The following FGF14 variants were observed in gnomAD, a reference collection of about 807,000 sequenced individuals.
FGF14 encodes the protein fibroblast growth factor homologous factor 4.
A neutral mutation model predicts 25.5 loss-of-function variants in FGF14; 5 were observed. The observed-to-expected ratio is 0.20, with a 90% CI of 0.10 to 0.41. The LOEUF (loss-of-function observed/expected upper bound fraction) is 0.41, where lower values mean the gene tolerates loss of function less well. FGF14 is among the 10% of genes least tolerant of loss of function. The probability of loss-of-function intolerance (pLI) is 1.00; values close to 1 mark genes in which losing one functional copy is unlikely to be tolerated. For missense variants in FGF14, 222 were observed against 320.1 expected (o/e 0.69, Z 2.34); for synonymous variants, 138 against 118.3 (o/e 1.17, Z -1.08).
intron 1 of FGF14, among the ~76,000 whole-genome samples, chr13:101,913,816 C>T (rs1207673021): frequency 6.6e-6 from 1 of 152,086 alleles, no homozygotes; most frequent in Non-Finnish European, 1.5e-5. Context: ...ACCCCTCTCT[C>T]CTCCATAATT....
chr13:102,034,334 C>T (rs1211141693), intron 1 of FGF14, among the ~76,000 whole-genome samples: 3 of 152,102 alleles, frequency 2.0e-5, no homozygotes, highest in African/African-American at 7.2e-5. Flanking sequence ...AATGAGAAGG[C>T]TCTTAAGAGT....
chr13:102,212,165 C>T (rs1244628090), intron 1 of FGF14, among the ~76,000 whole-genome samples: 5 of 152,214 alleles, frequency 3.3e-5, no homozygotes, highest in Non-Finnish European at 4.4e-5. Flanking sequence ...TTATTCCATA[C>T]TAGTTCCCAC....
chr13:102,400,814 C>A lies in FGF14; in HGVS notation c.208+657G>T, dbSNP rs1332803707. ...AATTACAAATATTAGAGGGGCTGGG[C>A]TTGTCCTCTCAGTCTGGGGTTCCCT... On this transcript the variant is annotated intron_variant, in intron 1 of 4. Coordinates refer to the FGF14 transcript ENST00000376131. This position sits in a 1 kb window ranked among gnomAD's most constrained non-coding sequence, Gnocchi z 4.3. Among the ~76,000 whole-genome samples the A allele has an allele frequency of 6.6e-6, 1 of 152,042 alleles. No individual in the cohort carries two copies. Among genetic ancestry groups the A allele is most frequent in the Non-Finnish European group, 1.5e-5 (1 of 68,002 alleles).
intron 1 of FGF14, among the ~76,000 whole-genome samples, chr13:102,056,138 C>T (rs2042419409): frequency 6.6e-6 from 1 of 152,182 alleles, no homozygotes; most frequent in Non-Finnish European, 1.5e-5. Context: ...CACAGCTATG[C>T]TCATTCATTT....
chr13:101,803,075 G>T (rs2040980905), intron 3 of FGF14, among the ~76,000 whole-genome samples: 1 of 151,738 alleles, frequency 6.6e-6, no homozygotes, highest in Admixed American at 6.6e-5. Flanking sequence ...AAGGGGGTCA[G>T]CTGGCGTGAA....
chr13:102,324,571 A>C (rs2056360122), intron 1 of FGF14, among the ~76,000 whole-genome samples: 1 of 152,184 alleles, frequency 6.6e-6, no homozygotes, highest in Admixed American at 6.5e-5. Context: ...CAGCTCATGC[A>C]TCAAAGTCTT....
At chr13:102,214,882 T>C (rs1212580625) in intron 1 of FGF14, among the ~76,000 whole-genome samples, 1 of 152,172 alleles carries the variant, frequency 6.6e-6, no homozygotes, top group Non-Finnish European at 1.5e-5. Context: ...TGAGAAATCT[T>C]GTTCTAGACG....
chr13:101,759,180 T>A (rs1048776004), intron 3 of FGF14, among the ~76,000 whole-genome samples: 2 of 152,126 alleles, frequency 1.3e-5, no homozygotes, highest in African/African-American at 4.8e-5. Flanking sequence ...TAAGAGCCTA[T>A]CCCTAACTTT....
rs1449470581 is a variant in FGF14, at chr13:101,767,795, A to T, written c.409-40985T>A. The stretch of plus-strand genomic sequence containing the variant: ...CTGTTGGGACAAAGCTCTCTAAAAT[A>T]AGCAACTACACAGAAGGAAAAAAAT... On this transcript the variant is annotated intron_variant, in intron 3 of 4. Coordinates refer to ENST00000376143, the MANE Select transcript of FGF14 (RefSeq NM_004115.4). Among the ~76,000 whole-genome samples, 3 of 152,184 alleles carry T rather than the reference A, an allele frequency of 2.0e-5. No individual in the cohort carries two copies. In the East Asian group the frequency reaches 5.8e-4, roughly 29 times the overall value.
chr13:102,286,868 A>G (rs2054124431), intron 1 of FGF14, among the ~76,000 whole-genome samples: 1 of 151,324 alleles, frequency 6.6e-6, no homozygotes, highest in South Asian at 2.1e-4. Flanking sequence ...GAAGGCAAAC[A>G]TTTTCCTTAT....
intron 1 of FGF14, among the ~76,000 whole-genome samples, chr13:102,118,294 CTTG>C (rs2045564851): frequency 6.6e-6 from 1 of 151,808 alleles, no homozygotes; most frequent in Admixed American, 6.6e-5. Flanking sequence ...AGGAACCAAG[CTTG>C]TTAATGTTAA....
chr13:102,183,271 T>C (rs1201673667), intron 1 of FGF14, among the ~76,000 whole-genome samples: 1 of 152,190 alleles, frequency 6.6e-6, no homozygotes, highest in Admixed American at 6.5e-5. Context: ...TTCTATTATA[T>C]TTTCAGTAAA....
chr13:102,320,422 A>G (rs920656029), intron 1 of FGF14, among the ~76,000 whole-genome samples: 1 of 152,172 alleles, frequency 6.6e-6, no homozygotes, highest in South Asian at 2.1e-4. Context: ...GCATGCATTC[A>G]GTTGGTGCTG....
At chr13:102,214,631 A>T (rs547291168) in intron 1 of FGF14, among the ~76,000 whole-genome samples, 4 of 152,204 alleles carry the variant, frequency 2.6e-5, no homozygotes, top group Non-Finnish European at 5.9e-5. Context: ...AACCATCTGG[A>T]ATGATCTCCT....
intron 1 of FGF14, among the ~76,000 whole-genome samples, chr13:101,877,696 C>T (rs1018085289): frequency 6.6e-6 from 1 of 152,124 alleles, no homozygotes; most frequent in African/African-American, 2.4e-5. Context: ...GTGTCTAAAC[C>T]CAAATCCTGC....
At chr13:102,240,447 T>C (rs1251067741) in intron 1 of FGF14, among the ~76,000 whole-genome samples, 4 of 152,160 alleles carry the variant, frequency 2.6e-5, no homozygotes, top group South Asian at 4.1e-4. Flanking sequence ...AAAATAAACA[T>C]TTCCCGGCAA....
rs1051987970 is a variant in FGF14 at position 101,860,274 on chromosome 13, T to C, written c.408+8451A>G. Among the ~76,000 whole-genome samples, 3 of 152,080 alleles carry C rather than the reference T, an allele frequency of 2.0e-5. 1 individual carries two copies. The highest frequency in any genetic ancestry group is 1.5e-5 in the Non-Finnish European group (1 of 68,000). On this transcript the variant is annotated intron_variant, in intron 3 of 4. Coordinates refer to ENST00000376143, the MANE Select transcript of FGF14 (RefSeq NM_004115.4). The stretch of plus-strand genomic sequence containing the variant: ...TACCATCTTGGTGCTCGAGGAGACA[T>C]TTCTTGTCCTTTTCTTCCCACAGAC...
intron 1 of FGF14, among the ~76,000 whole-genome samples, chr13:102,288,596 T>C (rs1380327468): frequency 1.3e-5 from 2 of 152,046 alleles, no homozygotes; most frequent in African/African-American, 4.8e-5. Flanking sequence ...TTTTTATTTT[T>C]ATTTTTGAGA....
chr13:102,352,670 G>C (rs1307695499), intron 1 of FGF14, among the ~76,000 whole-genome samples: 2 of 152,054 alleles, frequency 1.3e-5, no homozygotes, highest in Admixed American at 1.3e-4. Context: ...AAATTAGCCG[G>C]GGGCGGTGGT....
Sources: allele counts gnomAD v4.1 joint callset (sites outside exome capture counted in the v4.1 genomes callset), GRCh38; gene constraint gnomAD v4.1.1; non-coding constraint Gnocchi (gnomAD v3.1); transcripts MANE v1.5; gene names NCBI Gene and HGNC (gene_info 2026-07-23, HGNC 2026-07-21).